SCN3B: variants seen among roughly 807,000 people sequenced by gnomAD.
SCN3B encodes the protein sodium channel regulatory subunit beta-3.
In SCN3B, 11 loss-of-function variants were observed where a neutral mutation model predicts 25.4. The ratio of observed to expected loss-of-function variants is 0.43; its 90% CI spans 0.27 to 0.72. The LOEUF (loss-of-function observed/expected upper bound fraction) is 0.72. SCN3B is among the 30% of genes least tolerant of loss of function. The pLI is 0.18. For missense variants in SCN3B, 218 were observed against 278.3 expected (o/e 0.78, Z 1.54); for synonymous variants, 109 against 110.7 (o/e 0.99, Z 0.09).
intron 2 of SCN3B, among the ~76,000 whole-genome samples, chr11:123,645,974 C>A (rs907940974): frequency 6.6e-6 from 1 of 152,156 alleles, no homozygotes; most frequent in Non-Finnish European, 1.5e-5. Flanking sequence ...ATGATCTAGA[C>A]ATTGACTGAA....
chr11:123,647,382 G>A (rs1288170348), intron 2 of SCN3B, among the ~76,000 whole-genome samples: 1 of 152,116 alleles, frequency 6.6e-6, no homozygotes, highest in Non-Finnish European at 1.5e-5. Context: ...CACTCAGGAG[G>A]TAAGAGGATT....
intron 3 of SCN3B, among the ~76,000 whole-genome samples, chr11:123,644,581 G>C (rs1955825377): frequency 2.6e-5 from 4 of 151,974 alleles, no homozygotes; most frequent in Admixed American, 1.3e-4. Context: ...AGACCAGCCT[G>C]GCCAACATGG....
Position 123,631,868 on chromosome 11 carries a change from G to A in SCN3B, c.*1931C>T, listed in dbSNP as rs1955676641. 6.6e-6 allele frequency: 1 copy of A among 151,986 alleles called. No individual in the cohort carries two copies. The highest frequency in any genetic ancestry group is 1.5e-5 in the Non-Finnish European group (1 of 67,996). The allele number at this position is 151,986 out of a possible 1,614,324, so 9.4% of individuals were successfully genotyped here. A position where few individuals can be genotyped will look rare whatever the true frequency, so the allele number is the denominator to read the frequency against. Reference sequence around the variant, plus strand: ...AAATAAATAAAAATTTAAAAGTCTGGTTTTAAGTACTTTCCTAGGGATGGA... The same window carrying A: ...AAATAAATAAAAATTTAAAAGTCTGATTTTAAGTACTTTCCTAGGGATGGA... On this transcript the variant is annotated 3_prime_UTR_variant, in exon 7 of 7. Transcript: ENST00000299333.
intron 2 of SCN3B, among the ~76,000 whole-genome samples, chr11:123,653,537 T>TGGAGAATAGCGGGGAAGGGCGGTG (rs1404206986): frequency 6.6e-6 from 1 of 152,092 alleles, no homozygotes; most frequent in African/African-American, 2.4e-5. Context: ...CAAAGGAGGT[T>TGGAGAATAGCGGGGAAGGGCGGTG]GGAGAATAGC....
chr11:123,638,378 G>A (rs762213963), intron 4 of SCN3B, 54 bp from the exon 5 acceptor site: 94 of 1,608,424 alleles, frequency 5.8e-5, no homozygotes, highest in East Asian at 1.8e-4. Context: ...ACCTAGAGCC[G>A]TCATTGGAGC....
intron 5 of SCN3B, 100 bp downstream of exon 5, chr11:123,638,086 A>C: frequency 7.4e-7 from 1 of 1,350,810 alleles, no homozygotes; most frequent in Non-Finnish European, 1.0e-6. Flanking sequence ...GATCATGAAG[A>C]GGGTGGAGGA....
At position 123,642,468 on chromosome 11, in the gene SCN3B, G is replaced by A. The variant is rs879253730; in HGVS notation, c.423C>T (p.Ile141=). 1.9e-6 allele frequency: 3 copies of A among 1,614,154 alleles called. No homozygotes were observed. The highest frequency in any genetic ancestry group is 1.3e-5 in the African/African-American group (1 of 75,028). Residue 141 remains isoleucine (I), a synonymous_variant, in exon 4 of 7, where the codon ATC becomes ATT. Coordinates refer to ENST00000299333, the MANE Select transcript of SCN3B (RefSeq NM_001040151.2). This position sits in a 1 kb window ranked among gnomAD's most constrained non-coding sequence, Gnocchi z 4.3. ...CACCCTCCTCGGTGACTCTTAGGGG[G>A]ATCAGCCGCGTCGTCTTCACAAAGG... is the stretch of plus-strand genomic sequence containing the variant. ...HRPFVKTTRL[I]PLRVTEEAGE...
At position 123,653,788 on chromosome 11, in the gene SCN3B, T is replaced by C. The variant is rs369522500; in HGVS notation, c.14A>G (p.Asn5Ser). ...GAGAGAAGCCAGGGGAAACAATCTATTGAAGGCAGGCATCTTCTGGGGCTG... is the reference window on the plus strand; with the variant it reads ...GAGAGAAGCCAGGGGAAACAATCTACTGAAGGCAGGCATCTTCTGGGGCTG... MPAF[N>S]RLFPLASLVL... The change falls in exon 2 of 7, where the codon AAT (asparagine) becomes AGT (serine). Residue 5 changes from asparagine to serine, a missense_variant. By Grantham distance (46) the Asn-to-Ser change is conservative. Coordinates refer to ENST00000299333, the MANE Select transcript of SCN3B (RefSeq NM_001040151.2). 1.9e-5 allele frequency: 30 copies of C among 1,614,132 alleles called. No homozygotes were observed. The highest frequency in any genetic ancestry group is 2.4e-5 in the Non-Finnish European group (28 of 1,180,052).
Position 123,652,444 on chromosome 11 carries a change from C to T in SCN3B, c.55+1303G>A, listed in dbSNP as rs186332794. Among the ~76,000 whole-genome samples the T allele has an allele frequency of 3.9e-5, 6 of 152,302 alleles. No individual in the cohort carries two copies. In the East Asian group the frequency reaches 1.2e-3, roughly 29 times the overall value. On this transcript the variant is annotated intron_variant, in intron 2 of 6. Coordinates refer to ENST00000299333, the MANE Select transcript of SCN3B (RefSeq NM_001040151.2). ...GCTTGGCTCTGCCTCTGGTCACATG[C>T]AAAATCCAGATAATGCTGGCAGCTA...
intron 2 of SCN3B, among the ~76,000 whole-genome samples, chr11:123,649,137 G>A (rs1034359383): frequency 6.6e-6 from 1 of 152,222 alleles, no homozygotes; most frequent in African/African-American, 2.4e-5. Flanking sequence ...AGTAGAGCTG[G>A]TGGAGTTTGA....
chr11:123,644,278 C>G (rs1201324250), intron 3 of SCN3B, among the ~76,000 whole-genome samples: 1 of 152,170 alleles, frequency 6.6e-6, no homozygotes, highest in Non-Finnish European at 1.5e-5. Context: ...GCTCATGAGT[C>G]CTGGTAACAG....
At chr11:123,634,076 C>T in intron 6 of SCN3B, 45 bp downstream of exon 6, 3 of 1,468,002 alleles carry the variant, frequency 2.0e-6, no homozygotes, top group Non-Finnish European at 2.9e-6. Context: ...CTTGTACAAC[C>T]TGCCATCCAC....
rs1311304158 is a variant in SCN3B at position 123,630,927 on chromosome 11, T to C, written c.*2872A>G. 1 of 152,216 alleles carries C rather than the reference T, an allele frequency of 6.6e-6. No individual in the cohort carries two copies. Among genetic ancestry groups the C allele is most frequent in the African/African-American group, 2.4e-5 (1 of 41,440 alleles). 9.4% of individuals were successfully genotyped at this position (152,216 alleles called of 1,614,324 possible). On this transcript the variant is annotated 3_prime_UTR_variant, in exon 7 of 7. Coordinates refer to ENST00000299333, the MANE Select transcript of SCN3B (RefSeq NM_001040151.2). Reference sequence around the variant, plus strand: ...TGAAAGAGGAGTCAGAAGACCTGGATTCTTGCTGTCTACCTACCAGCTAGG... The same window carrying C: ...TGAAAGAGGAGTCAGAAGACCTGGACTCTTGCTGTCTACCTACCAGCTAGG...
intron 3 of SCN3B, among the ~76,000 whole-genome samples, chr11:123,644,800 A>AGAGAAT (rs1272015067): frequency 2.2e-3 from 102 of 45,564 alleles, no homozygotes; most frequent in Non-Finnish European, 2.8e-3. Context: ...AGAGAGAGAG[A>AGAGAAT]ATATATATAT....
rs1340149773 is a variant in SCN3B at position 123,630,976 on chromosome 11, A to G, written c.*2823T>C. 1 of 152,252 alleles carries G rather than the reference A, an allele frequency of 6.6e-6. No individual in the cohort carries two copies. The highest frequency in any genetic ancestry group is 1.5e-5 in the Non-Finnish European group (1 of 68,034). 9.4% of individuals were successfully genotyped at this position (152,252 alleles called of 1,614,324 possible). ...GGTTTCCTTATAATTTAGTAAAGCTACTTAACCTCAGAGACCCTCAGTTTC... is the reference window on the plus strand; with the variant it reads ...GGTTTCCTTATAATTTAGTAAAGCTGCTTAACCTCAGAGACCCTCAGTTTC... On this transcript the variant is annotated 3_prime_UTR_variant, in exon 7 of 7. Coordinates refer to ENST00000299333, the MANE Select transcript of SCN3B (RefSeq NM_001040151.2).
chr11:123,638,547 T>G (rs979398713), intron 4 of SCN3B: 25 of 582,524 alleles, frequency 4.3e-5, no homozygotes, highest in Admixed American at 4.0e-4. Flanking sequence ...CTGGAAGAAG[T>G]AGCCGAGCAG....
intron 2 of SCN3B, among the ~76,000 whole-genome samples, chr11:123,646,552 A>G (rs1955855337): frequency 6.6e-6 from 1 of 152,204 alleles, no homozygotes. Flanking sequence ...AAGCTGGAAC[A>G]ATGGTCTATG....
chr11:123,637,285 T>G (rs1451596520), intron 5 of SCN3B, among the ~76,000 whole-genome samples: 1 of 152,216 alleles, frequency 6.6e-6, no homozygotes, highest in South Asian at 2.1e-4. Flanking sequence ...CTAGGGGAAA[T>G]AACATGTTGC....
intron 3 of SCN3B, among the ~76,000 whole-genome samples, chr11:123,644,800 AAT>A (rs56135097): frequency 0.082 from 3,702 of 45,164 alleles, 160 homozygotes; most frequent in East Asian, 0.22. Context: ...AGAGAGAGAG[AAT>A]ATATATATAT....
Sources: allele counts gnomAD v4.1 joint callset (sites outside exome capture counted in the v4.1 genomes callset), GRCh38; gene constraint gnomAD v4.1.1; non-coding constraint Gnocchi (gnomAD v3.1); transcripts MANE v1.5; gene names NCBI Gene and HGNC (gene_info 2026-07-23, HGNC 2026-07-21).